CADPS: variants seen among roughly 807,000 people sequenced by gnomAD.
The protein encoded by CADPS is calcium-dependent secretion activator 1.
A neutral mutation model predicts 167.3 loss-of-function variants in CADPS; 57 were observed. The observed-to-expected ratio is 0.34, with a 90% confidence interval of 0.28 to 0.42. The LOEUF (loss-of-function observed/expected upper bound fraction) is 0.42. Ranked by LOEUF, CADPS falls within the 20% of genes least tolerant of loss-of-function variation. CADPS has a pLI of 1.00. For synonymous variants in CADPS, 676 were observed against 635.3 expected, an observed-to-expected ratio of 1.06 and a Z score of -0.96; for missense variants, 1,414 against 1,738.1, an observed-to-expected ratio of 0.81 and a Z score of 3.32.
At chr3:62,670,887 C>T (rs1402350964) in intron 3 of CADPS, among the ~76,000 whole-genome samples, 2 of 152,140 alleles carry the variant, frequency 1.3e-5, no homozygotes, top group Non-Finnish European at 2.9e-5. Context: ...CAGGCATCAA[C>T]CCACTTTTAT....
chr3:62,417,936 G>A (rs2050478278), intron 28 of CADPS, among the ~76,000 whole-genome samples: 1 of 151,940 alleles, frequency 6.6e-6, no homozygotes, highest in African/African-American at 2.4e-5. Context: ...AGTTTGAGGC[G>A]GGAGGATCAC....
chr3:62,600,189 G>A (rs1481878389), intron 6 of CADPS, among the ~76,000 whole-genome samples: 1 of 147,028 alleles, frequency 6.8e-6, no homozygotes, highest in African/African-American at 2.5e-5. Flanking sequence ...ACTCTCTGAA[G>A]TGCACACAGC....
At chr3:62,666,634 T>C (rs1032620625) in intron 3 of CADPS, among the ~76,000 whole-genome samples, 1 of 152,224 alleles carries the variant, frequency 6.6e-6, no homozygotes, top group Non-Finnish European at 1.5e-5. Flanking sequence ...TGTGGTTGTT[T>C]TGACTTGTCA....
intron 3 of CADPS, among the ~76,000 whole-genome samples, chr3:62,692,931 T>C (rs11706871): frequency 0.077 from 11,721 of 152,096 alleles, 607 homozygotes; most frequent in Non-Finnish European, 0.12. Flanking sequence ...TCATGGCCTC[T>C]TAGTAGATGA....
chr3:62,718,809 A>G (rs2075181522), intron 3 of CADPS, among the ~76,000 whole-genome samples: 1 of 152,230 alleles, frequency 6.6e-6, no homozygotes, highest in Non-Finnish European at 1.5e-5. Flanking sequence ...GTGCGTGGAT[A>G]TCACATTTCC....
Position 62,518,848 on chromosome 3 carries a change from C to G in CADPS, c.2292-598G>C, listed in dbSNP as rs139000197. ...TCAGACGTCTTAAATGGCTCAATTTCTTGCCTATAACTACCGATGTTCAGA... is the reference window on the plus strand; with the variant it reads ...TCAGACGTCTTAAATGGCTCAATTTGTTGCCTATAACTACCGATGTTCAGA... On this transcript the variant is annotated intron_variant, in intron 13 of 29. Coordinates refer to ENST00000383710, the MANE Select transcript of CADPS (RefSeq NM_003716.4). 3.5e-3 allele frequency among the ~76,000 whole-genome samples: 526 copies of G among 152,244 alleles called. 4 individuals carry two copies. The highest frequency in any genetic ancestry group is 5.8e-3 in the Non-Finnish European group (393 of 68,014).
At chr3:62,416,610 C>G (rs1347393821) in intron 28 of CADPS, among the ~76,000 whole-genome samples, 1 of 152,050 alleles carries the variant, frequency 6.6e-6, no homozygotes, top group Non-Finnish European at 1.5e-5. Context: ...ATGAAGACAC[C>G]GAACAATGCC....
intron 6 of CADPS, among the ~76,000 whole-genome samples, chr3:62,619,982 T>G (rs763298697): frequency 1.2e-4 from 19 of 152,264 alleles, no homozygotes; most frequent in Non-Finnish European, 2.2e-4. Context: ...TTGTTTGGCA[T>G]GCTTGGTAGT....
chr3:62,564,291 G>A (rs575295895), intron 9 of CADPS, among the ~76,000 whole-genome samples: 136 of 151,912 alleles, frequency 9.0e-4, no homozygotes, highest in Non-Finnish European at 1.5e-3. Flanking sequence ...GTGAACCACC[G>A]TGCCTGGCCT....
At chr3:62,629,714 A>G (rs900000900) in intron 6 of CADPS, among the ~76,000 whole-genome samples, 2 of 150,276 alleles carry the variant, frequency 1.3e-5, no homozygotes, top group African/African-American at 4.9e-5. Context: ...GTCCTTGCCT[A>G]TGTCTCTTTT....
At chr3:62,657,812 C>T (rs2072083748) in intron 4 of CADPS, among the ~76,000 whole-genome samples, 1 of 151,960 alleles carries the variant, frequency 6.6e-6, no homozygotes, top group Non-Finnish European at 1.5e-5. Context: ...CCCTTCCCTC[C>T]TAGGAAGAGA....
At chr3:62,583,243 A>T (rs1242688708) in intron 8 of CADPS, among the ~76,000 whole-genome samples, 3 of 149,098 alleles carry the variant, frequency 2.0e-5, no homozygotes, top group African/African-American at 5.0e-5. Flanking sequence ...ATATTTATGG[A>T]GTATTTATGA....
In CADPS at chr3:62,516,120, T is replaced by G; in HGVS notation, c.2520A>C (p.Lys840Asn). 6.2e-7 allele frequency: 1 copy of G among 1,613,406 alleles called. No homozygotes were observed. The highest frequency in any genetic ancestry group is 8.5e-7 in the Non-Finnish European group (1 of 1,179,490). Residue 840 changes from lysine to asparagine, a missense_variant, in exon 16 of 30, where the codon AAA (lysine) becomes AAC (asparagine). By Grantham distance (94) the Lys-to-Asn change is moderately conservative. Around this residue, in one of 6 missense-constraint regions of CADPS, gnomAD observed 529 missense variants for 629.6 expected, o/e 0.84. Transcript: ENST00000383710. Reference sequence around the variant, plus strand: ...TGACTAACGCAGCCTGTTCCAGACATTTACGGATAACTGTTTTTACCTCCT... The same window carrying G: ...TGACTAACGCAGCCTGTTCCAGACAGTTACGGATAACTGTTTTTACCTCCT... ...PQEEVKTVIR[K>N]CLEQAALVNY...
rs911281669 is a variant in CADPS at position 62,874,412 on chromosome 3, T to C, written c.441+177A>G. ...AGCTCCAGGAGCGCTCCAGGCTGGG[T>C]TGGGCTGGGCCTGGGCGAGCCCGGC... On this transcript the variant is annotated intron_variant, in intron 1 of 29. Transcript: ENST00000383710. This position sits in a 1 kb window ranked among gnomAD's most constrained non-coding sequence, Gnocchi z 7.1. Among the ~76,000 whole-genome samples, 2 of 152,014 alleles carry C rather than the reference T, an allele frequency of 1.3e-5. No individual in the cohort carries two copies. The highest frequency in any genetic ancestry group is 2.9e-5 in the Non-Finnish European group (2 of 68,000).
intron 24 of CADPS, among the ~76,000 whole-genome samples, chr3:62,468,019 C>G (rs1050745840): frequency 1.3e-5 from 2 of 152,114 alleles, no homozygotes; most frequent in African/African-American, 4.8e-5. Context: ...AATAATACAG[C>G]TAATGGCTTG....
chr3:62,845,652 T>A (rs1372232765), intron 1 of CADPS, among the ~76,000 whole-genome samples: 1 of 152,186 alleles, frequency 6.6e-6, no homozygotes, highest in Non-Finnish European at 1.5e-5. Context: ...TGTTGATATG[T>A]CCCTTAAATT....
chr3:62,540,802 G>A (rs896484401), intron 11 of CADPS, among the ~76,000 whole-genome samples: 2 of 152,072 alleles, frequency 1.3e-5, no homozygotes, highest in Non-Finnish European at 2.9e-5. Context: ...CTTCCACAGT[G>A]TCAAACATAA....
intron 11 of CADPS, among the ~76,000 whole-genome samples, chr3:62,539,021 C>T (rs1039448269): frequency 6.6e-6 from 1 of 152,122 alleles, no homozygotes; most frequent in Admixed American, 6.5e-5. Context: ...TACAGAAAAG[C>T]CTAAAATCAG....
In CADPS at chr3:62,532,714, CCTTT is replaced by C. The variant is rs557713657; in HGVS notation, c.2291+153_2291+156del. ...CTTGAAAGGAGAAGAAAGTTAGTGC[CCTTT>C]GTGTGTGTGTGTGTGTGTGTGTGTG... On this transcript the variant is annotated intron_variant, in intron 13 of 29. Transcript: ENST00000383710. 3.7e-3 allele frequency among the ~76,000 whole-genome samples: 292 copies of C among 79,332 alleles called. 1 individual carries two copies. In the Middle Eastern group the frequency reaches 0.051, roughly 14 times the overall value. The allele number at this position is 79,332 out of a possible 152,430, so 52.0% of individuals were successfully genotyped here.
Sources: allele counts gnomAD v4.1 joint callset (sites outside exome capture counted in the v4.1 genomes callset), GRCh38; gene constraint gnomAD v4.1.1; regional missense constraint gnomAD v4.1.1; non-coding constraint Gnocchi (gnomAD v3.1); transcripts MANE v1.5; gene names NCBI Gene and HGNC (gene_info 2026-07-23, HGNC 2026-07-21).